The following APBB1IP variants were observed in gnomAD, a reference collection of about 807,000 sequenced individuals.
APBB1IP encodes the protein amyloid beta precursor protein binding family B member 1 interacting protein, also known as amyloid beta A4 precursor protein-binding family B member 1-interacting protein.
In APBB1IP, 27 loss-of-function variants were observed where a neutral mutation model predicts 64.9. That is an observed-to-expected ratio of 0.42 (90% confidence interval 0.31 to 0.57). The LOEUF (loss-of-function observed/expected upper bound fraction) is 0.57, where lower values mean the gene tolerates loss of function less well. APBB1IP is among the 20% of genes least tolerant of loss of function. The pLI, the probability that APBB1IP is intolerant of heterozygous loss-of-function variation, is 0.20. For missense variants in APBB1IP, 812 were observed against 845.5 expected (o/e 0.96, Z 0.49); for synonymous variants, 392 against 331.0 (o/e 1.18, Z -2.00).
chr10:26,490,228 T>C (rs1031286603), intron 2 of APBB1IP, among the ~76,000 whole-genome samples: 2 of 152,224 alleles, frequency 1.3e-5, no homozygotes, highest in Non-Finnish European at 2.9e-5. Flanking sequence ...AGGTAATTTA[T>C]TCAAGGAAAG....
Position 26,541,862 on chromosome 10 carries a change from G to A in APBB1IP, c.1155+170G>A, listed in dbSNP as rs141982206. On this transcript the variant is annotated intron_variant, in intron 11 of 14. Coordinates refer to ENST00000376236, the MANE Select transcript of APBB1IP (RefSeq NM_019043.4). ...ATCAATTTGGGACATTTTCCCCAAA[G>A]CCTCCTATCTGAACCTAAAACTTTA... 2.3e-3 allele frequency: 1,158 copies of A among 512,732 alleles called. 11 individuals carry two copies. The highest frequency in any genetic ancestry group is 0.021 in the African/African-American group (1,052 of 49,822). The allele number at this position is 512,732 out of a possible 1,614,324, so 31.8% of individuals were successfully genotyped here.
intron 2 of APBB1IP, among the ~76,000 whole-genome samples, 157 bp downstream of exon 2, chr10:26,439,010 G>A (rs1589185072): frequency 6.6e-6 from 1 of 152,178 alleles, no homozygotes; most frequent in Admixed American, 6.5e-5. Context: ...GCCCTCGAGC[G>A]CAGCGGGTCC....
chr10:26,448,454 A>T (rs749808350), intron 2 of APBB1IP, among the ~76,000 whole-genome samples: 4 of 152,228 alleles, frequency 2.6e-5, no homozygotes, highest in Non-Finnish European at 5.9e-5. Context: ...AAAGTGCTAA[A>T]TGGCCTCATG....
chr10:26,492,291 T>G, intron 2 of APBB1IP, 36 bp from the exon 3 acceptor site: 124 of 1,589,004 alleles, frequency 7.8e-5, no homozygotes, highest in Non-Finnish European at 9.8e-5. Flanking sequence ...CAGGCTTTTA[T>G]GAGACTGCTA....
intron 11 of APBB1IP, among the ~76,000 whole-genome samples, chr10:26,553,159 T>G (rs986039799): frequency 6.8e-6 from 1 of 147,960 alleles, no homozygotes; most frequent in African/African-American, 2.5e-5. Context: ...GTAGCTGGGA[T>G]TACAGGTGCC....
At chr10:26,461,103 C>T (rs11015121) in intron 2 of APBB1IP, among the ~76,000 whole-genome samples, 4,091 of 150,928 alleles carry the variant, frequency 0.027, 187 homozygotes, top group African/African-American at 0.094. Flanking sequence ...TTGGAGAGGG[C>T]GTTCAGAGAG....
chr10:26,496,198 G>A (rs1836021934), intron 3 of APBB1IP, 106 bp from the exon 4 acceptor site: 2 of 809,860 alleles, frequency 2.5e-6, no homozygotes, highest in South Asian at 3.4e-5. Flanking sequence ...AACACACTAA[G>A]GGAGAAAATG....
In APBB1IP at chr10:26,467,273, G is replaced by T. The variant is rs532426351; in HGVS notation, c.1-25054G>T. Among the ~76,000 whole-genome samples, 10 of 152,050 alleles carry T rather than the reference G, an allele frequency of 6.6e-5. No individual in the cohort carries two copies. The East Asian group carries it at 1.9e-3, about 29-fold the overall frequency. ...GCTGTTTTTTCCTCATGCTTGACAT[G>T]AAGCAAAAGCAAGTTTTGCCTTCAC... On this transcript the variant is annotated intron_variant, in intron 2 of 14. Transcript: ENST00000376236.
At chr10:26,473,414 A>G (rs1835742174) in intron 2 of APBB1IP, among the ~76,000 whole-genome samples, 1 of 152,198 alleles carries the variant, frequency 6.6e-6, no homozygotes, top group Non-Finnish European at 1.5e-5. Context: ...TGTCCTGTGA[A>G]CAGCCGTCTT....
chr10:26,542,550 T>A (rs1393431731), intron 11 of APBB1IP, among the ~76,000 whole-genome samples: 1 of 152,220 alleles, frequency 6.6e-6, no homozygotes. Context: ...TCTTTCTGTA[T>A]GCCTGCAGAA....
intron 2 of APBB1IP, among the ~76,000 whole-genome samples, chr10:26,449,731 C>T (rs1835443636): frequency 6.6e-6 from 1 of 152,140 alleles, no homozygotes; most frequent in Non-Finnish European, 1.5e-5. Flanking sequence ...GCTTGAAGTC[C>T]AGGCACTGTG....
At chr10:26,523,708 T>A (rs958655885) in intron 8 of APBB1IP, among the ~76,000 whole-genome samples, 1 of 151,966 alleles carries the variant, frequency 6.6e-6, no homozygotes, top group African/African-American at 2.4e-5. Flanking sequence ...GTGGCTCACA[T>A]CTGCAGTCTC....
intron 9 of APBB1IP, among the ~76,000 whole-genome samples, chr10:26,534,149 A>C (rs766878273): frequency 6.6e-6 from 1 of 152,072 alleles, no homozygotes; most frequent in Admixed American, 6.6e-5. Context: ...GAGTTTTCAC[A>C]TAGTATCTAT....
intron 2 of APBB1IP, among the ~76,000 whole-genome samples, chr10:26,480,805 T>G (rs978761150): frequency 6.6e-6 from 1 of 151,788 alleles, no homozygotes; most frequent in African/African-American, 2.4e-5. Context: ...GGTGACATAG[T>G]GCAAACAAAA....
chr10:26,443,678 G>A (rs948739652), intron 2 of APBB1IP, among the ~76,000 whole-genome samples: 2 of 150,598 alleles, frequency 1.3e-5, no homozygotes, highest in Non-Finnish European at 3.0e-5. Flanking sequence ...GGGATCACAG[G>A]TGTGCGTCAC....
At chr10:26,508,131 A>G (rs1348019383) in intron 6 of APBB1IP, among the ~76,000 whole-genome samples, 1 of 152,252 alleles carries the variant, frequency 6.6e-6, no homozygotes, top group African/African-American at 2.4e-5. Context: ...ACGCTCATGC[A>G]TTAAAAGAAT....
chr10:26,562,913 A>G (rs1836992345), intron 14 of APBB1IP, among the ~76,000 whole-genome samples: 1 of 152,248 alleles, frequency 6.6e-6, no homozygotes, highest in South Asian at 2.1e-4. Context: ...TACATATGCT[A>G]GAATCAAAAG....
At chr10:26,485,360 C>T (rs1197804466) in intron 2 of APBB1IP, among the ~76,000 whole-genome samples, 1 of 152,114 alleles carries the variant, frequency 6.6e-6, no homozygotes, top group African/African-American at 2.4e-5. Context: ...GAACATGTAG[C>T]CAGTCAAGTG....
intron 6 of APBB1IP, among the ~76,000 whole-genome samples, chr10:26,510,830 ATTCAT>A (rs1836248466): frequency 6.6e-6 from 1 of 151,904 alleles, no homozygotes; most frequent in Non-Finnish European, 1.5e-5. Flanking sequence ...CTCAGTCTAC[ATTCAT>A]TTCACTTAAT....
Sources: allele counts gnomAD v4.1 joint callset (sites outside exome capture counted in the v4.1 genomes callset), GRCh38; gene constraint gnomAD v4.1.1; transcripts MANE v1.5; gene names NCBI Gene and HGNC (gene_info 2026-07-23, HGNC 2026-07-21).